TGFBRAP1: variants seen among roughly 807,000 people sequenced by gnomAD.
TGFBRAP1 encodes transforming growth factor-beta receptor-associated protein 1.
In TGFBRAP1, 20 loss-of-function variants were observed where a neutral mutation model predicts 83.2. The observed-to-expected ratio is 0.24, with a 90% CI of 0.17 to 0.35. The LOEUF is 0.35. Among genes scored for constraint, TGFBRAP1 ranks in the 10% least tolerant of loss-of-function variants. The pLI is 1.00. For missense variants in TGFBRAP1, 950 were observed against 1,099.4 expected (o/e 0.86, Z 1.92); for synonymous variants, 415 against 459.8 (o/e 0.90, Z 1.25).
At chr2:105,288,673 A>G (rs1393492109) in intron 4 of TGFBRAP1, among the ~76,000 whole-genome samples, 2 of 152,224 alleles carry the variant, frequency 1.3e-5, no homozygotes, top group Non-Finnish European at 2.9e-5. Context: ...TATTCATACC[A>G]ACCCCTTTTT....
chr2:105,272,420 A>G (rs1462082378), intron 10 of TGFBRAP1, among the ~76,000 whole-genome samples: 5 of 152,226 alleles, frequency 3.3e-5, no homozygotes, highest in Admixed American at 3.3e-4. Context: ...TTGACATTGA[A>G]TAAAGACACT....
intron 4 of TGFBRAP1, among the ~76,000 whole-genome samples, chr2:105,294,055 T>C (rs1032343351): frequency 1.2e-4 from 19 of 152,110 alleles, no homozygotes; most frequent in Non-Finnish European, 2.4e-4. Flanking sequence ...TAAAGGGCCC[T>C]GTGGGAAGCG....
intron 1 of TGFBRAP1, among the ~76,000 whole-genome samples, chr2:105,311,077 G>GA (rs1678673179): frequency 1.4e-5 from 2 of 146,980 alleles, no homozygotes. Context: ...ATTATAGAAA[G>GA]AATCAAACGC....
chr2:105,252,853 C>T, the TGFBRAP1 span, among the ~76,000 whole-genome samples: 6 of 148,140 alleles, frequency 4.1e-5, no homozygotes, highest in South Asian at 2.2e-4. Flanking sequence ...CCCAGCTTCA[C>T]GCCATTCTCC....
intron 7 of TGFBRAP1, among the ~76,000 whole-genome samples, chr2:105,276,235 C>T (rs1276173181): frequency 6.6e-6 from 1 of 152,184 alleles, no homozygotes; most frequent in Non-Finnish European, 1.5e-5. Context: ...AGGATAGACT[C>T]CAGTGATAAA....
At chr2:105,263,400 G>A (rs1165701577), downstream of TGFBRAP1, among the ~76,000 whole-genome samples, 1 of 152,234 alleles carries the variant, frequency 6.6e-6, no homozygotes. Flanking sequence ...TGAAGCCCCA[G>A]GTGGGAGGAC....
chr2:105,274,040 A>G (rs1309545896), intron 8 of TGFBRAP1, among the ~76,000 whole-genome samples: 1 of 152,264 alleles, frequency 6.6e-6, no homozygotes, highest in Non-Finnish European at 1.5e-5. Flanking sequence ...ACCTATAATA[A>G]TAACATTAAG....
At chr2:105,303,438 T>C (rs1183196259) in intron 2 of TGFBRAP1, among the ~76,000 whole-genome samples, 1 of 152,118 alleles carries the variant, frequency 6.6e-6, no homozygotes, top group African/African-American at 2.4e-5. Context: ...TACGAGGTGA[T>C]CTAGGAATAT....
chr2:105,257,078 C>T, the TGFBRAP1 span, among the ~76,000 whole-genome samples: 3 of 152,178 alleles, frequency 2.0e-5, no homozygotes, highest in Non-Finnish European at 2.9e-5. Context: ...CAGCCAGCAG[C>T]CCTTGGGGCT....
At chr2:105,256,457 C>A in the TGFBRAP1 span, among the ~76,000 whole-genome samples, 2 of 152,148 alleles carry the variant, frequency 1.3e-5, no homozygotes, top group Non-Finnish European at 2.9e-5. Flanking sequence ...ACCCGCACTG[C>A]CCACTCTAGC....
chr2:105,258,809 T>C, the TGFBRAP1 span, among the ~76,000 whole-genome samples: 1 of 152,020 alleles, frequency 6.6e-6, no homozygotes, highest in Non-Finnish European at 1.5e-5. Flanking sequence ...TCTCTTTCTC[T>C]GGAGAACCCT....
At position 105,272,835 on chromosome 2, in the gene TGFBRAP1, A is replaced by G. The variant is rs759677289; in HGVS notation, c.1972+20T>C. 6.2e-7 allele frequency: 1 copy of G among 1,604,630 alleles called. No homozygotes were observed. The highest frequency in any genetic ancestry group is 1.1e-5 in the South Asian group (1 of 90,980). ...ATATGAGTTTTTTCCAAAGGGAGAC[A>G]ATACTGAGATCATCCTCACCGAGAA... On this transcript the variant is annotated intron_variant, in intron 10 of 11. Coordinates refer to ENST00000393359, the MANE Select transcript of TGFBRAP1 (RefSeq NM_004257.6).
In TGFBRAP1 at chr2:105,267,440, G is replaced by A; in HGVS notation, c.2526C>T (p.His842=). 6.2e-7 allele frequency: 1 copy of A among 1,614,226 alleles called. No homozygotes were observed. The highest frequency in any genetic ancestry group is 1.1e-5 in the South Asian group (1 of 91,082). Residue 842 remains histidine (H), a synonymous_variant, in exon 12 of 12, where the codon CAC becomes CAT. Transcript: ENST00000393359. ...RYPNGGLVHT[H]CAASRHTNPS... ...GGTTTGTGTGTCTGCTGGCGGCACAGTGGGTGTGCACAAGACCACCATTTG... is the reference window on the plus strand; with the variant it reads ...GGTTTGTGTGTCTGCTGGCGGCACAATGGGTGTGCACAAGACCACCATTTG...
intron 4 of TGFBRAP1, among the ~76,000 whole-genome samples, chr2:105,290,955 C>T (rs375127972): frequency 2.6e-5 from 4 of 151,894 alleles, no homozygotes; most frequent in South Asian, 2.1e-4. Flanking sequence ...GCAGTGATTG[C>T]GAGATTGCGC....
intron 1 of TGFBRAP1, among the ~76,000 whole-genome samples, chr2:105,309,635 A>G (rs1678630267): frequency 6.6e-6 from 1 of 152,174 alleles, no homozygotes; most frequent in Admixed American, 6.5e-5. Context: ...GTGAGACTCC[A>G]GCCCCCTTCC....
chr2:105,317,266 A>C (rs1678914525), intron 1 of TGFBRAP1, among the ~76,000 whole-genome samples: 1 of 152,106 alleles, frequency 6.6e-6, no homozygotes, highest in African/African-American at 2.4e-5. Context: ...GTGAAACCCC[A>C]TTTACACTAA....
intron 10 of TGFBRAP1, 143 bp downstream of exon 10, chr2:105,272,712 A>T (rs1286894309): frequency 8.7e-7 from 1 of 1,145,468 alleles, no homozygotes; most frequent in Non-Finnish European, 1.2e-6. Context: ...TCTTCATTTA[A>T]AAAAATCTTT....
chr2:105,268,518 G>A (rs988355853), intron 11 of TGFBRAP1, among the ~76,000 whole-genome samples: 2 of 152,222 alleles, frequency 1.3e-5, no homozygotes, highest in African/African-American at 4.8e-5. Flanking sequence ...AGTGGGTACA[G>A]CATTTACAAA....
At position 105,279,227 on chromosome 2, in the gene TGFBRAP1, G is replaced by A. The variant is rs150913039; in HGVS notation, c.1463+1155C>T. Among the ~76,000 whole-genome samples the A allele has an allele frequency of 3.5e-4, 53 of 152,168 alleles. No homozygotes were observed. The East Asian group carries it at 7.7e-3, about 22-fold the overall frequency. On this transcript the variant is annotated intron_variant, in intron 6 of 11. Transcript: ENST00000393359. ...GCATTAACAGTCCATGATACATAAG[G>A]CCATCTACTAACTCATGCACATAAG...
Sources: gnomAD v4.1 joint callset for allele counts (sites outside exome capture counted in the v4.1 genomes callset) on GRCh38, gnomAD v4.1.1 for gene constraint, MANE v1.5 for transcripts, NCBI Gene and HGNC (gene_info 2026-07-23, HGNC 2026-07-21) for gene names.